Variants in CSRNP3 observed in about 807,000 individuals in gnomAD.
CSRNP3 encodes cysteine/serine-rich nuclear protein 3.
In CSRNP3, 12 loss-of-function variants were observed where a neutral mutation model predicts 48.0. The observed-to-expected ratio is 0.25, with a 90% confidence interval of 0.16 to 0.41. The LOEUF (loss-of-function observed/expected upper bound fraction) is 0.41. Ranked by LOEUF, CSRNP3 falls within the 10% of genes least tolerant of loss-of-function variation. CSRNP3 has a pLI of 1.00. For synonymous variants in CSRNP3, 263 were observed against 269.7 expected, an observed-to-expected ratio of 0.98 and a Z score of 0.24; for missense variants, 580 against 724.4, an observed-to-expected ratio of 0.80 and a Z score of 2.29.
chr2:165,611,219 G>A (rs1056908305), intron 4 of CSRNP3, among the ~76,000 whole-genome samples: 4 of 152,076 alleles, frequency 2.6e-5, no homozygotes, highest in African/African-American at 9.7e-5. Flanking sequence ...TAGTAAGCAA[G>A]GGGAAGTATT....
At chr2:165,502,941 G>A (rs985057796) in intron 2 of CSRNP3, among the ~76,000 whole-genome samples, 1 of 151,922 alleles carries the variant, frequency 6.6e-6, no homozygotes. Flanking sequence ...TTGTGTATGT[G>A]TGTGTGTGTA....
rs75083426 is a variant in CSRNP3, at chr2:165,572,065, A to G, written c.-23-22978A>G. ...ATGAGATAGGAAATGGCTTTTTGCA[A>G]GTTCTCCTTCCTTAAATTATTATTC... On this transcript the variant is annotated intron_variant, in intron 3 of 6. Transcript: ENST00000651982. 2.0e-5 allele frequency among the ~76,000 whole-genome samples: 3 copies of G among 152,206 alleles called. No homozygotes were observed. The East Asian group carries it at 5.8e-4, about 29-fold the overall frequency.
At chr2:165,472,289 T>A (rs1226631421) in intron 1 of CSRNP3, among the ~76,000 whole-genome samples, 1 of 152,026 alleles carries the variant, frequency 6.6e-6, no homozygotes, top group Non-Finnish European at 1.5e-5. Context: ...ATGCAATTAT[T>A]TCCTTACCTT....
intron 3 of CSRNP3, among the ~76,000 whole-genome samples, chr2:165,559,073 T>TGA (rs144620618): frequency 2.0e-3 from 295 of 149,356 alleles, no homozygotes; most frequent in Middle Eastern, 3.5e-3. Flanking sequence ...CAGAGACTAC[T>TGA]GAGAGAGAGA....
chr2:165,564,789 T>C (rs1462515602), intron 3 of CSRNP3, among the ~76,000 whole-genome samples: 2 of 152,050 alleles, frequency 1.3e-5, no homozygotes, highest in East Asian at 3.9e-4. Flanking sequence ...TATAAATATC[T>C]GTTAAATGTA....
intron 5 of CSRNP3, among the ~76,000 whole-genome samples, chr2:165,666,693 A>AAGAGAGAGAGGAAGAAAG (rs1553484438): frequency 2.7e-4 from 10 of 36,874 alleles, no homozygotes; most frequent in African/African-American, 7.6e-4. Context: ...GAGTGGTGTT[A>AAGAGAGAGAGGAAGAAAG]AGAGAGAGAG....
chr2:165,593,576 G>GC (rs1299773069), intron 3 of CSRNP3, among the ~76,000 whole-genome samples: 1 of 152,150 alleles, frequency 6.6e-6, no homozygotes, highest in Non-Finnish European at 1.5e-5. Flanking sequence ...CGGGGAATCT[G>GC]AACACGCTGC....
chr2:165,572,072 C>T (rs1685381200), intron 3 of CSRNP3, among the ~76,000 whole-genome samples: 1 of 151,990 alleles, frequency 6.6e-6, no homozygotes, highest in South Asian at 2.1e-4. Flanking sequence ...GCAAGTTCTC[C>T]TTCCTTAAAT....
At position 165,679,503 on chromosome 2, in the gene CSRNP3, G is replaced by A; in HGVS notation, c.1508G>A (p.Cys503Tyr). 1.9e-6 allele frequency: 3 copies of A among 1,613,614 alleles called. No homozygotes were observed. The highest frequency in any genetic ancestry group is 2.5e-6 in the Non-Finnish European group (3 of 1,179,938). ...GCTGCCAACCCCTCTGTAATCGTTT[G>A]CTGCTCCTCTTCCGAAAATGATAGC... ...YPAANPSVIVCCSSSENDSGV... is the reference protein window; with the variant it reads ...YPAANPSVIVYCSSSENDSGV... Residue 503 changes from cysteine (C) to tyrosine (Y), a missense_variant, in exon 7 of 7, where the codon TGC becomes TAC. Physicochemically the swap from Cys to Tyr is radical, Grantham distance 194. This residue lies in a region of CSRNP3 where 369 missense variants were observed against 380.8 expected (regional missense o/e 0.97). Coordinates refer to ENST00000651982, the MANE Select transcript of CSRNP3 (RefSeq NM_001172173.2).
Position 165,680,479 on chromosome 2 carries a change from A to G in CSRNP3, c.*726A>G, listed in dbSNP as rs1258052239. The G allele has an allele frequency of 6.5e-6, 1 of 152,684 alleles. No individual in the cohort carries two copies. Among genetic ancestry groups the G allele is most frequent in the Non-Finnish European group, 1.5e-5 (1 of 68,054 alleles). The allele number at this position is 152,684 out of a possible 1,614,324, so 9.5% of individuals were successfully genotyped here. A position where few individuals can be genotyped will look rare whatever the true frequency, so the allele number is the denominator to read the frequency against. On this transcript the variant is annotated 3_prime_UTR_variant, in exon 7 of 7. Coordinates refer to ENST00000651982, the MANE Select transcript of CSRNP3 (RefSeq NM_001172173.2). ...TTCTCTAAAGTTAAGAGTTAGGACA[A>G]TCCTCTGGGGAGAGTCTAGTTCACT...
At chr2:165,539,866 G>A (rs759946056) in intron 3 of CSRNP3, among the ~76,000 whole-genome samples, 1 of 151,990 alleles carries the variant, frequency 6.6e-6, no homozygotes, top group Non-Finnish European at 1.5e-5. Context: ...TTTTGCTAAG[G>A]GTGTTTGTTA....
At chr2:165,481,758 C>A (rs1684046176) in intron 1 of CSRNP3, among the ~76,000 whole-genome samples, 1 of 152,102 alleles carries the variant, frequency 6.6e-6, no homozygotes, top group South Asian at 2.1e-4. Flanking sequence ...AATTAGAACA[C>A]CTACAACACA....
Position 165,679,253 on chromosome 2 carries a change from G to A in CSRNP3, c.1258G>A (p.Glu420Lys), listed in dbSNP as rs142235040. Residue 420 changes from glutamate to lysine, a missense_variant, in exon 7 of 7, where the codon GAA (glutamate) becomes AAA (lysine). Physicochemically the swap from Glu to Lys is moderately conservative, Grantham distance 56. This residue lies in a region of CSRNP3 where 369 missense variants were observed against 380.8 expected (regional missense o/e 0.97). Coordinates refer to ENST00000651982, the MANE Select transcript of CSRNP3 (RefSeq NM_001172173.2). ...LCYSDGTAVH[E>K]SHAKNASFYA... is the part of the protein sequence containing the mutation. ...TTATTCTGATGGCACCGCCGTTCAC[G>A]AAAGCCATGCAAAGAATGCTTCTTT... 3.6e-4 allele frequency: 586 copies of A among 1,613,910 alleles called. No individual in the cohort carries two copies. Among genetic ancestry groups the A allele is most frequent in the South Asian group, 1.4e-3 (128 of 91,072 alleles).
At chr2:165,510,394 T>C (rs888932794) in intron 2 of CSRNP3, among the ~76,000 whole-genome samples, 1 of 152,172 alleles carries the variant, frequency 6.6e-6, no homozygotes. Flanking sequence ...CTTGGGATTA[T>C]AATATAATAC....
At chr2:165,604,219 T>C (rs1685971881) in intron 4 of CSRNP3, among the ~76,000 whole-genome samples, 1 of 152,250 alleles carries the variant, frequency 6.6e-6, no homozygotes, top group African/African-American at 2.4e-5. Flanking sequence ...ACTTACTGTA[T>C]TCTATTTTAC....
intron 1 of CSRNP3, among the ~76,000 whole-genome samples, chr2:165,481,277 G>C (rs1173749362): frequency 6.6e-6 from 1 of 152,218 alleles, no homozygotes; most frequent in East Asian, 1.9e-4. Context: ...TTCCTGTAGT[G>C]TGAGGTAGAC....
Position 165,679,530 on chromosome 2 carries a change from G to A in CSRNP3, c.1535G>A (p.Gly512Asp). ...VCCSSSENDS[G>D]VPCNSLYPEH... ...TGCTCCTCTTCCGAAAATGATAGCG[G>A]TGTGCCCTGCAATAGTTTATATCCT... Residue 512 changes from glycine (G) to aspartate (D), a missense_variant, in exon 7 of 7, where the codon GGT (glycine) becomes GAT (aspartate). By Grantham distance (94) the Gly-to-Asp change is moderately conservative (BLOSUM62 -1). Around this residue, in one of 4 missense-constraint regions of CSRNP3, gnomAD observed 369 missense variants for 380.8 expected, o/e 0.97. Transcript: ENST00000651982. 1 of 1,613,744 alleles carries A rather than the reference G, an allele frequency of 6.2e-7. No homozygotes were observed. The highest frequency in any genetic ancestry group is 2.2e-5 in the East Asian group (1 of 44,786).
At chr2:165,656,323 G>A (rs1687003900) in intron 4 of CSRNP3, among the ~76,000 whole-genome samples, 1 of 152,064 alleles carries the variant, frequency 6.6e-6, no homozygotes, top group South Asian at 2.1e-4. Context: ...ACAAAGTGTG[G>A]CCCTCTTCTT....
At chr2:165,574,222 G>C (rs1685412962) in intron 3 of CSRNP3, 6 of 617,988 alleles carry the variant, frequency 9.7e-6, no homozygotes, top group Admixed American at 8.9e-5. Context: ...AATGAGACCA[G>C]CTCGGAGGCT....
Sources: gnomAD v4.1 joint callset for allele counts (sites outside exome capture counted in the v4.1 genomes callset) on GRCh38, gnomAD v4.1.1 for gene constraint, gnomAD v4.1.1 regional missense constraint, MANE v1.5 for transcripts, NCBI Gene and HGNC (gene_info 2026-07-23, HGNC 2026-07-21) for gene names.